Variants in AKNAD1 observed in about 807,000 individuals in gnomAD.
AKNAD1 encodes AKNA domain containing 1, also known as protein AKNAD1.
Under a neutral mutation model 90.8 loss-of-function variants are expected in AKNAD1, and 67 were observed. That is an observed-to-expected ratio of 0.74 (90% CI 0.61 to 0.90). The LOEUF (loss-of-function observed/expected upper bound fraction) is 0.90, where lower values mean the gene tolerates loss of function less well. Ranked by LOEUF, AKNAD1 falls within the 40% of genes least tolerant of loss-of-function variation. The probability of loss-of-function intolerance (pLI) is 0.00; values close to 1 mark genes in which losing one functional copy is unlikely to be tolerated. For missense variants in AKNAD1, 957 were observed against 975.4 expected, an observed-to-expected ratio of 0.98 and a Z score of 0.25; for synonymous variants, 327 against 341.4, an observed-to-expected ratio of 0.96 and a Z score of 0.46.
Position 108,843,232 on chromosome 1 carries a change from C to T in AKNAD1, c.1281G>A (p.Leu427=). The T allele has an allele frequency of 6.2e-7, 1 of 1,614,156 alleles. No homozygotes were observed. The highest frequency in any genetic ancestry group is 8.5e-7 in the Non-Finnish European group (1 of 1,180,014). The change falls in exon 6 of 16, where the codon CTG becomes CTA. Residue 427 remains leucine (L), a synonymous_variant. Coordinates refer to ENST00000370001, the MANE Select transcript of AKNAD1 (RefSeq NM_152763.5). ...LEKLQGHLEL[L]EQNFLATKDK... is the part of the protein sequence containing the mutation. ...CCTTGGTGGCCAGAAAGTTCTGCTCCAGCAGTTCAAGGTGTCCCTGCAGTT... is the reference window on the plus strand; with the variant it reads ...CCTTGGTGGCCAGAAAGTTCTGCTCTAGCAGTTCAAGGTGTCCCTGCAGTT...
chr1:108,852,002 T>C lies in AKNAD1; in HGVS notation c.663A>G (p.Pro221=). 1 of 1,614,186 alleles carries C rather than the reference T, an allele frequency of 6.2e-7. No individual in the cohort carries two copies. Among genetic ancestry groups the C allele is most frequent in the Non-Finnish European group, 8.5e-7 (1 of 1,180,024 alleles). ...NVNVLTKTKG[P]GDKQKSYQGQ... is the part of the protein sequence containing the mutation. ...CTTGATAACTTTTTTGTTTATCACCTGGACCCTTGGTTTTAGTTAGAACAT... is the reference window on the plus strand; with the variant it reads ...CTTGATAACTTTTTTGTTTATCACCCGGACCCTTGGTTTTAGTTAGAACAT... The change falls in exon 2 of 16, where the codon CCA becomes CCG. Residue 221 remains proline, a synonymous_variant. Transcript: ENST00000370001.
At chr1:108,818,905 A>G (rs543441473) in intron 14 of AKNAD1, among the ~76,000 whole-genome samples, 1 of 149,104 alleles carries the variant, frequency 6.7e-6, no homozygotes, top group South Asian at 2.2e-4. Flanking sequence ...CAGAGGTTGC[A>G]GTGAGCCATG....
At position 108,849,497 on chromosome 1, in the gene AKNAD1, C is replaced by CAT. The variant is rs369132455; in HGVS notation, c.1033+38_1033+39dup. Reference sequence around the variant, plus strand: ...CTGTCTCAAAAAGACAAAAACAAAACATATATATATATCTCAAAGAAGTTT... The same window carrying CAT: ...CTGTCTCAAAAAGACAAAAACAAAACATATATATATATATCTCAAAGAAGTTT... On this transcript the variant is annotated intron_variant, in intron 3 of 15. Coordinates refer to ENST00000370001, the MANE Select transcript of AKNAD1 (RefSeq NM_152763.5). 5.2e-3 allele frequency: 6,764 copies of CAT among 1,294,978 alleles called. 24 individuals carry two copies. Among genetic ancestry groups the CAT allele is most frequent in the Middle Eastern group, 8.6e-3 (46 of 5,366 alleles). 80.2% of individuals were successfully genotyped at this position (1,294,978 alleles called of 1,614,324 possible).
intron 2 of AKNAD1, among the ~76,000 whole-genome samples, chr1:108,850,392 C>T (rs994545213): frequency 6.6e-6 from 1 of 152,188 alleles, no homozygotes; most frequent in African/African-American, 2.4e-5. Context: ...TATCCATCTG[C>T]TCCTGCTAAC....
chr1:108,823,824 C>A, intron 11 of AKNAD1, 136 bp from the exon 12 acceptor site: 3 of 1,368,874 alleles, frequency 2.2e-6, no homozygotes, highest in Admixed American at 2.3e-5. Context: ...GCTGTGTCAC[C>A]AAGAGGAGTT....
At chr1:108,831,336 GC>G (rs1239673450) in intron 9 of AKNAD1, among the ~76,000 whole-genome samples, 6 of 152,186 alleles carry the variant, frequency 3.9e-5, no homozygotes, top group Admixed American at 6.5e-5. Context: ...TGTACACATA[GC>G]TTTTTCCACA....
rs186942872 is a variant in AKNAD1 at position 108,840,457 on chromosome 1, C to A, written c.1379+2677G>T. 3.3e-4 allele frequency among the ~76,000 whole-genome samples: 51 copies of A among 152,258 alleles called. 1 individual carries two copies. The East Asian group carries it at 8.9e-3, about 27-fold the overall frequency. ...AAGATTTCAGTTCTTCCCAATCTAA[C>A]CTATAAATTCAATACATTCCTAAGC... On this transcript the variant is annotated intron_variant, in intron 6 of 15. Transcript: ENST00000370001.
chr1:108,838,386 G>A (rs987077072), intron 6 of AKNAD1, among the ~76,000 whole-genome samples: 1 of 150,860 alleles, frequency 6.6e-6, no homozygotes, highest in Non-Finnish European at 1.5e-5. Context: ...GGATTAAGTA[G>A]GAAATAAAAA....
chr1:108,849,174 T>A, intron 3 of AKNAD1, 114 bp from the exon 4 acceptor site: 3 of 1,012,428 alleles, frequency 3.0e-6, no homozygotes, highest in South Asian at 2.0e-5. Flanking sequence ...TTTTAAAATT[T>A]AATTTTTTTC....
At chr1:108,834,378 C>T in intron 9 of AKNAD1, 69 bp downstream of exon 9, 5 of 1,316,418 alleles carry the variant, frequency 3.8e-6, no homozygotes, top group Non-Finnish European at 4.2e-6. Flanking sequence ...TCACATTCAG[C>T]AACACTGGTT....
At chr1:108,835,707 C>T (rs1337298508) in intron 7 of AKNAD1, among the ~76,000 whole-genome samples, 1 of 151,976 alleles carries the variant, frequency 6.6e-6, no homozygotes, top group Non-Finnish European at 1.5e-5. Context: ...TCACTGCAAC[C>T]TCTGCCTCCC....
At chr1:108,853,136 CT>C (rs889504364) in intron 1 of AKNAD1, among the ~76,000 whole-genome samples, 120 of 133,466 alleles carry the variant, frequency 9.0e-4, no homozygotes, top group East Asian at 2.1e-3. Flanking sequence ...TTTCTTTTTT[CT>C]TTTTTTTTTT....
intron 11 of AKNAD1, among the ~76,000 whole-genome samples, chr1:108,826,736 CTTTTTCTTT>C (rs1221913761): frequency 8.7e-6 from 1 of 114,798 alleles, no homozygotes; most frequent in Non-Finnish European, 1.8e-5. Context: ...CTTTTCTTTT[CTTTTTCTTT>C]TTTTTTTTTT....
intron 1 of AKNAD1, 76 bp from the exon 2 acceptor site, chr1:108,852,843 G>A: frequency 1.9e-6 from 1 of 517,258 alleles, no homozygotes; most frequent in East Asian, 3.4e-5. Context: ...CAAAGTGGAT[G>A]TTTTTTTAAT....
At chr1:108,829,864 T>C (rs1364431461) in intron 10 of AKNAD1, among the ~76,000 whole-genome samples, 1 of 152,176 alleles carries the variant, frequency 6.6e-6, no homozygotes, top group African/African-American at 2.4e-5. Context: ...AGAGGTAACA[T>C]CTCTCGCTAC....
chr1:108,829,866 T>G (rs1664130726), intron 10 of AKNAD1, among the ~76,000 whole-genome samples: 1 of 152,178 alleles, frequency 6.6e-6, no homozygotes, highest in South Asian at 2.1e-4. Context: ...AGGTAACATC[T>G]CTCGCTACCT....
chr1:108,816,628 G>C (rs184018602), intron 15 of AKNAD1, among the ~76,000 whole-genome samples: 1 of 152,140 alleles, frequency 6.6e-6, no homozygotes, highest in African/African-American at 2.4e-5. Flanking sequence ...ATGGGGATTG[G>C]GGGGCCATAA....
chr1:108,844,349 C>T (rs900432133), intron 5 of AKNAD1, among the ~76,000 whole-genome samples: 3 of 148,258 alleles, frequency 2.0e-5, no homozygotes, highest in African/African-American at 5.1e-5. Flanking sequence ...GGCAACAGAG[C>T]GAGACTCCAT....
At chr1:108,852,839 G>T in intron 1 of AKNAD1, 72 bp from the exon 2 acceptor site, 4 of 524,212 alleles carry the variant, frequency 7.6e-6, no homozygotes, top group South Asian at 1.6e-4. Context: ...AGAACAAAGT[G>T]GATGTTTTTT....
Sources: gnomAD v4.1 joint callset for allele counts (sites outside exome capture counted in the v4.1 genomes callset) on GRCh38, gnomAD v4.1.1 for gene constraint, MANE v1.5 for transcripts, NCBI Gene and HGNC (gene_info 2026-07-23, HGNC 2026-07-21) for gene names.